Variants in MTUS2 observed in about 807,000 individuals in gnomAD.
MTUS2 encodes microtubule associated scaffold protein 2.
Under a neutral mutation model 114.1 loss-of-function variants are expected in MTUS2, and 40 were observed. The observed-to-expected ratio is 0.35, with a 90% CI of 0.27 to 0.46. MTUS2 has a LOEUF of 0.46. MTUS2 is among the 20% of genes least tolerant of loss of function. The pLI is 1.00. For synonymous variants in MTUS2, 688 were observed against 672.0 expected (o/e 1.02, Z -0.37); for missense variants, 1,679 against 1,705.4 (o/e 0.98, Z 0.27).
Position 28,885,568 on chromosome 13 carries a change from A to G in MTUS2, c.-243+45718A>G, listed in dbSNP as rs145113476. On this transcript the variant is annotated intron_variant, in intron 2 of 15. Transcript: ENST00000612955. ...AGAGGCATCAAAGTATGGAACCATGAGTTCCTGGGGTCAAATTTAGGAAGA... is the reference window on the plus strand; with the variant it reads ...AGAGGCATCAAAGTATGGAACCATGGGTTCCTGGGGTCAAATTTAGGAAGA... Among the ~76,000 whole-genome samples, 299 of 152,320 alleles carry G rather than the reference A, an allele frequency of 2.0e-3. 1 individual carries two copies. Among genetic ancestry groups the G allele is most frequent in the African/African-American group, 6.9e-3 (289 of 41,584 alleles).
At chr13:29,170,938 T>C (rs1304878624) in intron 5 of MTUS2, among the ~76,000 whole-genome samples, 1 of 152,068 alleles carries the variant, frequency 6.6e-6, no homozygotes, top group African/African-American at 2.4e-5. Context: ...GGCGAGGGAG[T>C]GTGGCTTACT....
In MTUS2 at chr13:28,942,824, G is replaced by GGA. The variant is rs1212540640; in HGVS notation, c.-242-81629_-242-81628dup. 2.0e-5 allele frequency among the ~76,000 whole-genome samples: 3 copies of GGA among 152,182 alleles called. No individual in the cohort carries two copies. The East Asian group carries it at 5.8e-4, about 29-fold the overall frequency. On this transcript the variant is annotated intron_variant, in intron 2 of 15. Transcript: ENST00000612955. ...AGGACAGCAGGGAGGAGGGAAGATG[G>GGA]GAGAGCACACAGGAGGCTGCCAGGG...
intron 9 of MTUS2, among the ~76,000 whole-genome samples, chr13:29,475,926 A>G (rs1214004902): frequency 6.6e-6 from 1 of 152,190 alleles, no homozygotes; most frequent in Non-Finnish European, 1.5e-5. Context: ...AGTAGTGTAC[A>G]GTCATGTCGT....
intron 5 of MTUS2, among the ~76,000 whole-genome samples, chr13:29,278,568 C>A (rs1056114838): frequency 1.3e-5 from 2 of 152,164 alleles, no homozygotes; most frequent in African/African-American, 4.8e-5. Context: ...TAAATTAAAA[C>A]CAGTTAATAA....
intron 9 of MTUS2, among the ~76,000 whole-genome samples, chr13:29,457,685 G>C (rs919735117): frequency 6.6e-5 from 10 of 152,058 alleles, no homozygotes; most frequent in Non-Finnish European, 1.5e-4. Flanking sequence ...GCTGGTCATA[G>C]GTTAGATGTG....
chr13:28,832,233 G>A (rs550420718), intron 1 of MTUS2, among the ~76,000 whole-genome samples: 6 of 152,182 alleles, frequency 3.9e-5, no homozygotes, highest in Non-Finnish European at 8.8e-5. Flanking sequence ...TTAAATGCCT[G>A]TAGGAAATTC....
At chr13:28,916,618 T>C (rs1372778899) in intron 2 of MTUS2, among the ~76,000 whole-genome samples, 1 of 151,894 alleles carries the variant, frequency 6.6e-6, no homozygotes, top group East Asian at 1.9e-4. Context: ...ATGTTCATTT[T>C]CTATTCTGCA....
chr13:28,861,375 G>A (rs1460224009), intron 2 of MTUS2, among the ~76,000 whole-genome samples: 1 of 151,802 alleles, frequency 6.6e-6, no homozygotes, highest in African/African-American at 2.4e-5. Flanking sequence ...GCCTGGCATG[G>A]GTACAGTTCT....
At chr13:28,825,038 G>A (rs1347973040) in intron 1 of MTUS2, among the ~76,000 whole-genome samples, 1 of 152,180 alleles carries the variant, frequency 6.6e-6, no homozygotes, top group Non-Finnish European at 1.5e-5. Context: ...GGAGGCAGCT[G>A]CAGGCCGCAG....
At chr13:29,348,834 G>A (rs1414646302) in intron 7 of MTUS2, among the ~76,000 whole-genome samples, 1 of 151,950 alleles carries the variant, frequency 6.6e-6, no homozygotes, top group Non-Finnish European at 1.5e-5. Context: ...TTTTTTCCTT[G>A]AAATCTGCTT....
At chr13:29,009,363 A>AT (rs1885739963) in intron 2 of MTUS2, among the ~76,000 whole-genome samples, 1 of 123,402 alleles carries the variant, frequency 8.1e-6, no homozygotes, top group Admixed American at 8.0e-5. Flanking sequence ...ACTATTAACT[A>AT]TAATAAATAT....
rs55792918 is a variant in MTUS2 at position 29,282,618 on chromosome 13, A to G, written c.2806+753A>G. 4.1e-3 allele frequency among the ~76,000 whole-genome samples: 629 copies of G among 152,236 alleles called. 3 individuals are homozygous for G. The highest frequency in any genetic ancestry group is 0.014 in the African/African-American group (599 of 41,518). ...TTGTTCCTAGCTTTTCTTTTTCTAC[A>G]TTATAGAAGGCAAATTTATCAGGAT... On this transcript the variant is annotated intron_variant, in intron 6 of 15. Transcript: ENST00000612955.
chr13:29,006,334 A>G (rs964756119), intron 2 of MTUS2, among the ~76,000 whole-genome samples: 1 of 152,244 alleles, frequency 6.6e-6, no homozygotes, highest in African/African-American at 2.4e-5. Context: ...CTGTGGCCCA[A>G]TCAACAAGGT....
chr13:29,006,439 T>A (rs908080402), intron 2 of MTUS2, among the ~76,000 whole-genome samples: 18 of 152,200 alleles, frequency 1.2e-4, no homozygotes, highest in African/African-American at 4.1e-4. Flanking sequence ...AAGTGTGTTA[T>A]ATACATTTTT....
At chr13:28,959,107 C>T (rs1449381912) in intron 2 of MTUS2, among the ~76,000 whole-genome samples, 1 of 152,064 alleles carries the variant, frequency 6.6e-6, no homozygotes, top group Non-Finnish European at 1.5e-5. Context: ...AGCTGGTAAC[C>T]CAGAAGAGCC....
chr13:29,179,387 G>T lies in MTUS2; in HGVS notation c.2644+78417G>T, dbSNP rs115416210. On this transcript the variant is annotated intron_variant, in intron 5 of 15. Transcript: ENST00000612955. ...CACACTTAAATATAAAGGGAGTTAA[G>T]ATTTTAGGAGATCAATTTCTTGCCT... Among the ~76,000 whole-genome samples, 1,162 of 152,298 alleles carry T rather than the reference G, an allele frequency of 7.6e-3. 7 individuals carry two copies. Among genetic ancestry groups the T allele is most frequent in the African/African-American group, 0.027 (1,111 of 41,574 alleles).
intron 2 of MTUS2, among the ~76,000 whole-genome samples, chr13:29,003,610 C>T (rs1470964583): frequency 6.6e-6 from 1 of 152,164 alleles, no homozygotes; most frequent in Non-Finnish European, 1.5e-5. Flanking sequence ...TGTCATTCTT[C>T]TTGTTTAAAA....
intron 2 of MTUS2, among the ~76,000 whole-genome samples, chr13:28,983,743 C>T (rs1459459528): frequency 6.6e-6 from 1 of 152,238 alleles, no homozygotes; most frequent in Non-Finnish European, 1.5e-5. Flanking sequence ...AGCCAGCAAT[C>T]TGTGTTTTAA....
chr13:29,465,109 A>T (rs984291969), intron 9 of MTUS2, among the ~76,000 whole-genome samples: 39 of 152,222 alleles, frequency 2.6e-4, no homozygotes, highest in African/African-American at 9.4e-4. Context: ...CTCTACACAG[A>T]GGACACAGTA....
Sources: allele counts gnomAD v4.1 joint callset (sites outside exome capture counted in the v4.1 genomes callset), GRCh38; gene constraint gnomAD v4.1.1; transcripts MANE v1.5; gene names NCBI Gene and HGNC (gene_info 2026-07-23, HGNC 2026-07-21).